The following SLAIN1 variants were observed in gnomAD, a reference collection of about 807,000 sequenced individuals.
SLAIN1 encodes the protein SLAIN motif-containing protein 1.
Under a neutral mutation model 55.4 loss-of-function variants are expected in SLAIN1, and 17 were observed. The observed-to-expected ratio is 0.31, with a 90% CI of 0.21 to 0.46. The LOEUF is 0.46. Among genes scored for constraint, SLAIN1 ranks in the 20% least tolerant of loss-of-function variants. The probability of loss-of-function intolerance (pLI) is 1.00; values close to 1 mark genes in which losing one functional copy is unlikely to be tolerated. For synonymous variants in SLAIN1, 348 were observed against 337.4 expected (o/e 1.03, Z -0.35); for missense variants, 682 against 785.1 (o/e 0.87, Z 1.57).
chr13:77,746,551 A>T lies in SLAIN1; in HGVS notation c.954A>T (p.Val318=). 2 of 1,612,464 alleles carry T rather than the reference A, an allele frequency of 1.2e-6. No individual in the cohort carries two copies. The highest frequency in any genetic ancestry group is 1.7e-6 in the Non-Finnish European group (2 of 1,178,802). Residue 318 remains valine, a synonymous_variant, in exon 4 of 7, where the codon GTA becomes GTT. Coordinates refer to ENST00000418532, the MANE Select transcript of SLAIN1 (RefSeq NM_001242868.2). ...ATTATGCTTCTACTTCAGCATCTGT[A>T]TCAAGACATAGTTCCAGTGTGTCAT... ...RQDYASTSAS[V]SRHSSSVSLS...
intron 4 of SLAIN1, among the ~76,000 whole-genome samples, chr13:77,749,117 A>C (rs1432753067): frequency 6.6e-6 from 1 of 152,190 alleles, no homozygotes; most frequent in Non-Finnish European, 1.5e-5. Flanking sequence ...AAGCTAATCT[A>C]TTAAATATTT....
At chr13:77,708,608 C>A (rs1017198588) in intron 1 of SLAIN1, among the ~76,000 whole-genome samples, 2 of 152,182 alleles carry the variant, frequency 1.3e-5, no homozygotes, top group Non-Finnish European at 2.9e-5. Flanking sequence ...GCTGGTGATA[C>A]CCAGACATAC....
chr13:77,730,559 T>A (rs1872809227), intron 2 of SLAIN1, among the ~76,000 whole-genome samples: 1 of 152,200 alleles, frequency 6.6e-6, no homozygotes, highest in African/African-American at 2.4e-5. Flanking sequence ...TTTGATTTGT[T>A]GATGTTCTCA....
chr13:77,741,965 C>T (rs1052613602), intron 2 of SLAIN1, among the ~76,000 whole-genome samples: 1 of 151,944 alleles, frequency 6.6e-6, no homozygotes, highest in Non-Finnish European at 1.5e-5. Flanking sequence ...ATTCCTTCTG[C>T]TTAGTACATG....
At chr13:77,711,925 G>A (rs932377741) in intron 1 of SLAIN1, among the ~76,000 whole-genome samples, 4 of 152,110 alleles carry the variant, frequency 2.6e-5, no homozygotes, top group Non-Finnish European at 5.9e-5. Context: ...TTCAACATAT[G>A]CAAATCATAA....
Position 77,763,303 on chromosome 13 carries a change from T to C in SLAIN1, c.*83T>C. 1 of 1,048,038 alleles carries C rather than the reference T, an allele frequency of 9.5e-7. No individual in the cohort carries two copies. The highest frequency in any genetic ancestry group is 1.5e-6 in the Non-Finnish European group (1 of 678,156). 64.9% of individuals were successfully genotyped at this position (1,048,038 alleles called of 1,614,324 possible). A position where few individuals can be genotyped will look rare whatever the true frequency, so the allele number is the denominator to read the frequency against. ...CTAGCTGGCTGGGTAGCAGTGGATG[T>C]TGGGATATTCTTTCCCTTTTGTGTT... On this transcript the variant is annotated 3_prime_UTR_variant, in exon 7 of 7. Coordinates refer to ENST00000418532, the MANE Select transcript of SLAIN1 (RefSeq NM_001242868.2).
rs975047273 is a variant in SLAIN1 at position 77,722,113 on chromosome 13, G to A, written c.766+2442G>A. On this transcript the variant is annotated intron_variant, in intron 2 of 6. Transcript: ENST00000418532. ...ATGTGGAGCTCAGGCAGAATCGTGA[G>A]GTCATGAGGATAGGAACTGGCATAC... Among the ~76,000 whole-genome samples, 8 of 151,754 alleles carry A rather than the reference G, an allele frequency of 5.3e-5. 1 individual carries two copies. The highest frequency in any genetic ancestry group is 1.9e-4 in the African/African-American group (8 of 41,286).
At chr13:77,747,317 G>T (rs1199436741) in intron 4 of SLAIN1, among the ~76,000 whole-genome samples, 4 of 152,052 alleles carry the variant, frequency 2.6e-5, no homozygotes, top group African/African-American at 9.7e-5. Context: ...TCTCAGTTTG[G>T]TCTAAATTTG....
intron 4 of SLAIN1, among the ~76,000 whole-genome samples, chr13:77,749,915 G>C (rs1474920077): frequency 6.6e-6 from 1 of 152,144 alleles, no homozygotes; most frequent in Non-Finnish European, 1.5e-5. Context: ...GTAAAGATTG[G>C]TTTTAAAGAC....
At chr13:77,726,413 A>T (rs2091308701) in intron 2 of SLAIN1, among the ~76,000 whole-genome samples, 1 of 152,162 alleles carries the variant, frequency 6.6e-6, no homozygotes, top group Admixed American at 6.5e-5. Flanking sequence ...GGGAATATTA[A>T]TTGACTTGGA....
intron 2 of SLAIN1, among the ~76,000 whole-genome samples, chr13:77,740,626 C>G (rs1873376177): frequency 6.8e-6 from 1 of 147,990 alleles, no homozygotes; most frequent in Non-Finnish European, 1.5e-5. Flanking sequence ...TCTCTTTTGG[C>G]AAAATTGCCT....
intron 2 of SLAIN1, among the ~76,000 whole-genome samples, chr13:77,732,694 T>C (rs563245590): frequency 3.1e-4 from 47 of 152,164 alleles, no homozygotes; most frequent in African/African-American, 1.1e-3. Flanking sequence ...AAATCTCCAC[T>C]ATTAATTGCA....
chr13:77,706,348 C>T (rs925907392), intron 1 of SLAIN1, among the ~76,000 whole-genome samples: 1 of 152,084 alleles, frequency 6.6e-6, no homozygotes, highest in Non-Finnish European at 1.5e-5. Context: ...TGTATTTTCT[C>T]TGACCCCTTT....
intron 3 of SLAIN1, among the ~76,000 whole-genome samples, chr13:77,746,310 A>G (rs1411899853): frequency 6.6e-6 from 1 of 152,178 alleles, no homozygotes; most frequent in Non-Finnish European, 1.5e-5. Context: ...TTTGCAAAAC[A>G]GAATTGTCCA....
intron 1 of SLAIN1, among the ~76,000 whole-genome samples, chr13:77,706,883 G>T (rs779357507): frequency 6.2e-4 from 95 of 152,268 alleles, no homozygotes; most frequent in Non-Finnish European, 1.1e-3. Flanking sequence ...CTTCTGTTAT[G>T]TTCTAGCTGT....
chr13:77,748,398 CTTT>C (rs934265928), intron 4 of SLAIN1, among the ~76,000 whole-genome samples: 42 of 79,550 alleles, frequency 5.3e-4, no homozygotes, highest in African/African-American at 1.6e-3. Flanking sequence ...TTCTCTAAAG[CTTT>C]TTTTTTTTTT....
intron 2 of SLAIN1, among the ~76,000 whole-genome samples, chr13:77,737,240 G>T (rs1309792521): frequency 2.6e-5 from 4 of 151,904 alleles, no homozygotes; most frequent in African/African-American, 7.3e-5. Flanking sequence ...CAGCTCAAAT[G>T]TGGCTCATTG....
At chr13:77,737,644 A>C (rs1262598478) in intron 2 of SLAIN1, among the ~76,000 whole-genome samples, 1 of 152,080 alleles carries the variant, frequency 6.6e-6, no homozygotes, top group Non-Finnish European at 1.5e-5. Context: ...TCTATTTAGA[A>C]TGGTATCATA....
chr13:77,705,546 T>C (rs1306310918), intron 1 of SLAIN1, among the ~76,000 whole-genome samples: 1 of 151,936 alleles, frequency 6.6e-6, no homozygotes, highest in Non-Finnish European at 1.5e-5. Flanking sequence ...GATGGCCAGA[T>C]AGGACATTGT....
Sources: allele counts gnomAD v4.1 joint callset (sites outside exome capture counted in the v4.1 genomes callset), GRCh38; gene constraint gnomAD v4.1.1; transcripts MANE v1.5; gene names NCBI Gene and HGNC (gene_info 2026-07-23, HGNC 2026-07-21).